SFMBT1: variants seen among roughly 807,000 people sequenced by gnomAD.
The protein encoded by SFMBT1 is Scm like with four mbt domains 1.
SFMBT1 carries 32 observed loss-of-function variants against 108.7 expected under a neutral mutation model. That is an observed-to-expected ratio of 0.29 (90% CI 0.22 to 0.40). The LOEUF is 0.40. SFMBT1 is among the 10% of genes least tolerant of loss of function. SFMBT1 has a pLI of 1.00. For synonymous variants in SFMBT1, 348 were observed against 369.5 expected, an observed-to-expected ratio of 0.94 and a Z score of 0.67; for missense variants, 816 against 1,059.6, an observed-to-expected ratio of 0.77 and a Z score of 3.19.
chr3:52,969,121 C>T lies in SFMBT1; in HGVS notation c.8G>A (p.Gly3Glu), dbSNP rs767455802. Residue 3 changes from glycine to glutamate, a missense_variant, in exon 2 of 21, where the codon GGG becomes GAG. This residue lies in a region of SFMBT1 where 495 missense variants were observed against 607.4 expected (regional missense o/e 0.81). Coordinates refer to ENST00000394752, the MANE Select transcript of SFMBT1 (RefSeq NM_016329.4). ...AATACCTGCATCAAGCTGCTGCTCC[C>T]CGTTCATTTCCACAGCATATAGGCA... MN[G>E]EQQLDADAGS... 6.2e-7 allele frequency: 1 copy of T among 1,614,030 alleles called. No individual in the cohort carries two copies. The highest frequency in any genetic ancestry group is 1.1e-5 in the South Asian group (1 of 91,066).
chr3:53,012,805 C>A (rs1197471917), intron 1 of SFMBT1, among the ~76,000 whole-genome samples: 1 of 151,554 alleles, frequency 6.6e-6, no homozygotes, highest in African/African-American at 2.4e-5. Context: ...CAAGGTAATG[C>A]AATTATGGGA....
chr3:52,954,493 A>G, intron 2 of SFMBT1, 82 bp from the exon 3 acceptor site: 1 of 1,052,392 alleles, frequency 9.5e-7, no homozygotes, highest in Admixed American at 2.2e-5. Flanking sequence ...TAATAAACCT[A>G]ACTTTACAGA....
chr3:52,941,890 T>C (rs9815408), intron 4 of SFMBT1, among the ~76,000 whole-genome samples: 148,664 of 152,262 alleles, frequency 0.98, 72,682 homozygotes, highest in Middle Eastern at 1. Context: ...CAGAGCGAGA[T>C]TCTGTCTCAA....
intron 4 of SFMBT1, 152 bp downstream of exon 4, chr3:52,943,201 T>C: frequency 1.1e-6 from 1 of 902,292 alleles, no homozygotes; most frequent in Non-Finnish European, 1.7e-6. Flanking sequence ...GAAATGTGTA[T>C]TATTCCTTAT....
intron 1 of SFMBT1, among the ~76,000 whole-genome samples, chr3:53,022,400 T>C (rs1441317831): frequency 7.2e-6 from 1 of 138,392 alleles, no homozygotes; most frequent in African/African-American, 2.7e-5. Flanking sequence ...CAGTCAGCCA[T>C]GATCACACCA....
intron 4 of SFMBT1, among the ~76,000 whole-genome samples, chr3:52,937,078 T>C (rs1340278188): frequency 6.6e-6 from 1 of 151,926 alleles, no homozygotes; most frequent in Non-Finnish European, 1.5e-5. Flanking sequence ...CCTGACCTTG[T>C]GATCCGCCTG....
intron 1 of SFMBT1, among the ~76,000 whole-genome samples, chr3:52,990,393 T>A (rs1339979483): frequency 2.6e-5 from 4 of 152,214 alleles, no homozygotes; most frequent in African/African-American, 9.7e-5. Flanking sequence ...CAGAGTCAGA[T>A]GACAGAACAC....
At chr3:52,958,518 G>A (rs1036381182) in intron 2 of SFMBT1, among the ~76,000 whole-genome samples, 1 of 152,214 alleles carries the variant, frequency 6.6e-6, no homozygotes, top group African/African-American at 2.4e-5. Flanking sequence ...TTGAACCTGG[G>A]AGGCGGAGGT....
At chr3:53,027,180 C>T (rs1699522825) in intron 1 of SFMBT1, among the ~76,000 whole-genome samples, 1 of 152,170 alleles carries the variant, frequency 6.6e-6, no homozygotes, top group African/African-American at 2.4e-5. Context: ...ATTAAAAATT[C>T]TTACACTAAT....
At chr3:53,025,480 G>A (rs1236415569) in intron 1 of SFMBT1, among the ~76,000 whole-genome samples, 2 of 152,086 alleles carry the variant, frequency 1.3e-5, no homozygotes, top group Non-Finnish European at 2.9e-5. Flanking sequence ...AGCCAGGCAT[G>A]GTGGCACACG....
chr3:52,908,897 G>T lies in SFMBT1; in HGVS notation c.1907-1164C>A, dbSNP rs975216208. On this transcript the variant is annotated intron_variant, in intron 17 of 20. Coordinates refer to ENST00000394752, the MANE Select transcript of SFMBT1 (RefSeq NM_016329.4). ...GACTATTCTTTAATGCCACACTCTT[G>T]ATTATTATAACTTTATGGTTAAAAA... Among the ~76,000 whole-genome samples the T allele has an allele frequency of 3.3e-5, 5 of 152,012 alleles. No homozygotes were observed. In the South Asian group the frequency reaches 1.0e-3, roughly 32 times the overall value.
intron 1 of SFMBT1, among the ~76,000 whole-genome samples, chr3:53,040,968 A>ATCTTTTTTTTTTTTTTT (rs1700026983): frequency 2.2e-5 from 1 of 46,360 alleles, no homozygotes; most frequent in Non-Finnish European, 4.0e-5. Context: ...AGACACCTGA[A>ATCTTTTTTTTTTTTTTT]TTTTTTTTTT....
chr3:52,971,220 C>T (rs529548270), intron 1 of SFMBT1, among the ~76,000 whole-genome samples: 10 of 151,854 alleles, frequency 6.6e-5, no homozygotes, highest in Middle Eastern at 3.4e-3. Context: ...CAATCTGATA[C>T]GCTACCGTAT....
intron 2 of SFMBT1, among the ~76,000 whole-genome samples, chr3:52,965,037 C>T (rs749244468): frequency 3.3e-5 from 5 of 152,012 alleles, no homozygotes; most frequent in Admixed American, 6.6e-5. Context: ...ATTTCAAAGT[C>T]CTAAAATTAA....
rs938202834 is a variant in SFMBT1 at position 53,025,547 on chromosome 3, T to C, written c.-131+20269A>G. Reference sequence around the variant, plus strand: ...TGAGAGGTCACTTGCGCCCAGGAGGTAGATGATTCAGTGAGCCATGATTGT... The same window carrying C: ...TGAGAGGTCACTTGCGCCCAGGAGGCAGATGATTCAGTGAGCCATGATTGT... On this transcript the variant is annotated intron_variant, in intron 1 of 20. Transcript: ENST00000394752. Among the ~76,000 whole-genome samples, 3 of 151,878 alleles carry C rather than the reference T, an allele frequency of 2.0e-5. 1 individual carries two copies. The highest frequency in any genetic ancestry group is 2.1e-4 in the South Asian group (1 of 4,804).
At chr3:53,017,528 C>G (rs192500726) in intron 1 of SFMBT1, among the ~76,000 whole-genome samples, 2 of 152,210 alleles carry the variant, frequency 1.3e-5, no homozygotes, top group East Asian at 3.9e-4. Flanking sequence ...TCTCCCATGT[C>G]TATTCTACAT....
At chr3:52,982,643 CG>C (rs1270504154) in intron 1 of SFMBT1, among the ~76,000 whole-genome samples, 2 of 147,002 alleles carry the variant, frequency 1.4e-5, no homozygotes, top group African/African-American at 5.0e-5. Flanking sequence ...GCAGGAGAAT[CG>C]CTTGAACCCA....
chr3:52,985,716 AC>A (rs1455009309), intron 1 of SFMBT1, among the ~76,000 whole-genome samples: 1 of 152,218 alleles, frequency 6.6e-6, no homozygotes, highest in Non-Finnish European at 1.5e-5. Context: ...GGCCTACTAT[AC>A]ACCTAGGCTA....
chr3:53,033,652 T>C (rs1297443548), intron 1 of SFMBT1, among the ~76,000 whole-genome samples: 3 of 151,776 alleles, frequency 2.0e-5, no homozygotes, highest in Admixed American at 6.6e-5. Flanking sequence ...TTATGAGCCA[T>C]CTGAAAATGC....
Sources: gnomAD v4.1 joint callset for allele counts (sites outside exome capture counted in the v4.1 genomes callset) on GRCh38, gnomAD v4.1.1 for gene constraint, gnomAD v4.1.1 regional missense constraint, MANE v1.5 for transcripts, NCBI Gene and HGNC (gene_info 2026-07-23, HGNC 2026-07-21) for gene names.